MAP3K21: variants seen among roughly 807,000 people sequenced by gnomAD.
MAP3K21 encodes mitogen-activated protein kinase kinase kinase 21, also known as mitogen-activated protein kinase kinase kinase MLK4.
MAP3K21 carries 63 observed loss-of-function variants against 86.1 expected under a neutral mutation model. The observed-to-expected ratio is 0.73, with a 90% CI of 0.60 to 0.90. The LOEUF is 0.90. Among genes scored for constraint, MAP3K21 ranks in the 40% least tolerant of loss-of-function variants. The probability of loss-of-function intolerance (pLI) is 0.00; values close to 1 mark genes in which losing one functional copy is unlikely to be tolerated. For missense variants in MAP3K21, 1,220 were observed against 1,367.7 expected, an observed-to-expected ratio of 0.89 and a Z score of 1.70; for synonymous variants, 558 against 564.8, an observed-to-expected ratio of 0.99 and a Z score of 0.17.
chr1:233,353,021 G>A (rs1313378731), intron 2 of MAP3K21, among the ~76,000 whole-genome samples: 1 of 152,082 alleles, frequency 6.6e-6, no homozygotes, highest in Non-Finnish European at 1.5e-5. Flanking sequence ...AGTGAAATTC[G>A]GCTCTTCATG....
At chr1:233,336,747 A>T (rs1662923986) in intron 1 of MAP3K21, among the ~76,000 whole-genome samples, 1 of 152,144 alleles carries the variant, frequency 6.6e-6, no homozygotes, top group African/African-American at 2.4e-5. Context: ...AAGATTCCAG[A>T]TGATTCAGCA....
intron 5 of MAP3K21, among the ~76,000 whole-genome samples, chr1:233,362,958 TAATC>T (rs1191261171): frequency 2.6e-5 from 4 of 152,210 alleles, no homozygotes; most frequent in African/African-American, 9.6e-5. Context: ...TATTGACTGA[TAATC>T]AAAATATATC....
intron 1 of MAP3K21, among the ~76,000 whole-genome samples, chr1:233,335,796 G>T (rs917394768): frequency 1.3e-5 from 2 of 152,130 alleles, no homozygotes; most frequent in African/African-American, 2.4e-5. Flanking sequence ...TATAACAATA[G>T]ACCCCATTAC....
At chr1:233,371,664 T>C (rs1489734416) in intron 5 of MAP3K21, among the ~76,000 whole-genome samples, 1 of 152,162 alleles carries the variant, frequency 6.6e-6, no homozygotes, top group Non-Finnish European at 1.5e-5. Flanking sequence ...TCAGACTTAA[T>C]TTTAACTATC....
At chr1:233,349,066 A>G (rs928040206) in intron 2 of MAP3K21, among the ~76,000 whole-genome samples, 1 of 152,198 alleles carries the variant, frequency 6.6e-6, no homozygotes, top group African/African-American at 2.4e-5. Flanking sequence ...GAAATTTATC[A>G]GTTGGATCAG....
intron 1 of MAP3K21, among the ~76,000 whole-genome samples, chr1:233,345,196 T>C (rs1312620045): frequency 2.0e-5 from 3 of 152,136 alleles, no homozygotes; most frequent in Non-Finnish European, 1.5e-5. Context: ...GATCTAGAAC[T>C]AGAAATACCA....
rs1366684542 is a variant in MAP3K21, at chr1:233,369,350, A to G, written c.1553-2688A>G. ...GGTTGCAGTGCACTGAGATCGCACC[A>G]TTGCATTCCAGCCTGGGTGACAGAG... On this transcript the variant is annotated intron_variant, in intron 5 of 9. Transcript: ENST00000366624. 3.3e-5 allele frequency among the ~76,000 whole-genome samples: 5 copies of G among 152,156 alleles called. No individual in the cohort carries two copies. In the South Asian group the frequency reaches 8.3e-4, roughly 25 times the overall value.
chr1:233,337,038 T>C (rs1377632121), intron 1 of MAP3K21, among the ~76,000 whole-genome samples: 1 of 152,210 alleles, frequency 6.6e-6, no homozygotes, highest in African/African-American at 2.4e-5. Context: ...GGTAGTAGGT[T>C]TGAGCTCTGT....
chr1:233,328,660 C>A lies in MAP3K21; in HGVS notation c.632C>A (p.Ala211Glu). The A allele has an allele frequency of 7.4e-7, 1 of 1,344,620 alleles. No homozygotes were observed. The highest frequency in any genetic ancestry group is 9.5e-7 in the Non-Finnish European group (1 of 1,050,416). The allele number at this position is 1,344,620 out of a possible 1,614,324, so 83.3% of individuals were successfully genotyped here. ...EFARGGALNR[A>E]LAAANAAPDP... is the part of the protein sequence containing the mutation. ...GCCCGCGGCGGAGCGCTCAACCGAGCGCTGGCCGCTGCCAACGCCGCCCCG... is the reference window on the plus strand; with the variant it reads ...GCCCGCGGCGGAGCGCTCAACCGAGAGCTGGCCGCTGCCAACGCCGCCCCG... Residue 211 changes from alanine to glutamate, a missense_variant, in exon 1 of 10, where the codon GCG becomes GAG. Physicochemically the swap from Ala to Glu is moderately radical, Grantham distance 107 (BLOSUM62 -1). Transcript: ENST00000366624. This position sits in a 1 kb window ranked among gnomAD's most constrained non-coding sequence, Gnocchi z 8.7.
At chr1:233,330,693 A>G (rs1662794438) in intron 1 of MAP3K21, among the ~76,000 whole-genome samples, 1 of 152,236 alleles carries the variant, frequency 6.6e-6, no homozygotes, top group African/African-American at 2.4e-5. Flanking sequence ...CATCAACACA[A>G]GCAAACACTT....
intron 9 of MAP3K21, among the ~76,000 whole-genome samples, chr1:233,381,763 T>C (rs1663920245): frequency 6.6e-6 from 1 of 152,180 alleles, no homozygotes; most frequent in Non-Finnish European, 1.5e-5. Flanking sequence ...AATAACATTA[T>C]TCAGTTCTTC....
intron 5 of MAP3K21, among the ~76,000 whole-genome samples, chr1:233,365,932 A>G (rs1663565876): frequency 6.6e-6 from 1 of 152,222 alleles, no homozygotes; most frequent in Non-Finnish European, 1.5e-5. Context: ...AAAGATAAGG[A>G]ATCAATCTAA....
intron 5 of MAP3K21, among the ~76,000 whole-genome samples, chr1:233,369,378 A>G (rs1663642636): frequency 6.6e-6 from 1 of 152,190 alleles, no homozygotes. Context: ...TGACAGAGCA[A>G]GACTCCATCT....
Position 233,379,719 on chromosome 1 carries a change from C to A in MAP3K21, c.2704+9C>A. On this transcript the variant is annotated intron_variant, in intron 9 of 9. Coordinates refer to ENST00000366624, the MANE Select transcript of MAP3K21 (RefSeq NM_032435.3). Reference sequence around the variant, plus strand: ...TGGAAATCCGACCCCAAGTAGGTTGCATTAATTAGGTAAAAGCATAAAACA... The same window carrying A: ...TGGAAATCCGACCCCAAGTAGGTTGAATTAATTAGGTAAAAGCATAAAACA... The A allele has an allele frequency of 6.3e-7, 1 of 1,599,036 alleles. No homozygotes were observed. Among genetic ancestry groups the A allele is most frequent in the Non-Finnish European group, 8.5e-7 (1 of 1,173,072 alleles).
intron 2 of MAP3K21, among the ~76,000 whole-genome samples, 187 bp from the exon 3 acceptor site, chr1:233,353,620 A>C (rs930518999): frequency 3.3e-5 from 5 of 152,192 alleles, no homozygotes; most frequent in African/African-American, 1.2e-4. Context: ...ATGTATTTAC[A>C]TGTGTTTGAA....
At position 233,361,749 on chromosome 1, in the gene MAP3K21, A is replaced by T. The variant is rs529199044; in HGVS notation, c.1312-304A>T. Among the ~76,000 whole-genome samples, 5 of 152,262 alleles carry T rather than the reference A, an allele frequency of 3.3e-5. No homozygotes were observed. In the South Asian group the frequency reaches 1.0e-3, roughly 32 times the overall value. The stretch of plus-strand genomic sequence containing the variant: ...AAATGTGAAAAACCAAGTGTAGAAA[A>T]TTTATGATGCCTCTTTTAGGATCAT... On this transcript the variant is annotated intron_variant, in intron 4 of 9. Coordinates refer to ENST00000366624, the MANE Select transcript of MAP3K21 (RefSeq NM_032435.3).
At chr1:233,371,411 A>G (rs1663676981) in intron 5 of MAP3K21, among the ~76,000 whole-genome samples, 1 of 152,120 alleles carries the variant, frequency 6.6e-6, no homozygotes, top group African/African-American at 2.4e-5. Flanking sequence ...CCCAGGCTGG[A>G]GTGCAGTGGC....
At chr1:233,339,893 A>C (rs1037642896) in intron 1 of MAP3K21, among the ~76,000 whole-genome samples, 2 of 152,204 alleles carry the variant, frequency 1.3e-5, no homozygotes, top group Non-Finnish European at 2.9e-5. Context: ...AAAGCTTATA[A>C]TAATTCATCT....
At chr1:233,329,990 GA>G (rs1322252183) in intron 1 of MAP3K21, among the ~76,000 whole-genome samples, 11 of 152,232 alleles carry the variant, frequency 7.2e-5, no homozygotes, top group Middle Eastern at 3.2e-3. Context: ...ATAATGAGAT[GA>G]AATCCCAGGG....
Sources: allele counts gnomAD v4.1 joint callset (sites outside exome capture counted in the v4.1 genomes callset), GRCh38; gene constraint gnomAD v4.1.1; non-coding constraint Gnocchi (gnomAD v3.1); transcripts MANE v1.5; gene names NCBI Gene and HGNC (gene_info 2026-07-23, HGNC 2026-07-21).